The following DUSP8 variants were observed in gnomAD, a reference collection of about 807,000 sequenced individuals.
DUSP8 encodes the protein dual specificity phosphatase 8, also known as dual specificity protein phosphatase 8.
In DUSP8, 15 loss-of-function variants were observed where a neutral mutation model predicts 38.7. The observed-to-expected ratio is 0.39, with a 90% CI of 0.26 to 0.60. The LOEUF (loss-of-function observed/expected upper bound fraction) is 0.60. Ranked by LOEUF, DUSP8 falls within the 20% of genes least tolerant of loss-of-function variation. The pLI, the probability that DUSP8 is intolerant of heterozygous loss-of-function variation, is 0.56. For missense variants in DUSP8, 768 were observed against 915.0 expected (o/e 0.84, Z 2.07); for synonymous variants, 458 against 433.9 (o/e 1.06, Z -0.69).
Position 1,565,899 on chromosome 11 carries a change from C to T in DUSP8, c.-73G>A, listed in dbSNP as rs576712577. On this transcript the variant is annotated 5_prime_UTR_variant, in exon 2 of 7. Coordinates refer to ENST00000397374, the MANE Select transcript of DUSP8 (RefSeq NM_004420.3). ...GCTGCTCCGACGGCCCAGGTGTGGC[C>T]TCGCGCTGGGAGTGACCTAGCACAT... 1.5e-6 allele frequency: 2 copies of T among 1,318,542 alleles called. No individual in the cohort carries two copies. The highest frequency in any genetic ancestry group is 4.7e-5 in the East Asian group (2 of 42,810). 81.7% of individuals were successfully genotyped at this position (1,318,542 alleles called of 1,614,324 possible). A position where few individuals can be genotyped will look rare whatever the true frequency, so the allele number is the denominator to read the frequency against.
rs1049349494 is a variant in DUSP8, at chr11:1,555,379, G to A, written c.*1139C>T. On this transcript the variant is annotated 3_prime_UTR_variant, in exon 7 of 7. Transcript: ENST00000397374. ...GAAGCAGGCCTATCCCAGCAGCACA[G>A]GGGCTTGGCTGGCGCCTGAACTCCC... 1.0e-6 allele frequency: 1 copy of A among 987,298 alleles called. No homozygotes were observed. Among genetic ancestry groups the A allele is most frequent in the African/African-American group, 1.7e-5 (1 of 57,284 alleles). The allele number at this position is 987,298 out of a possible 1,614,324, so 61.2% of individuals were successfully genotyped here.
Position 1,557,291 on chromosome 11 carries a change from C to G in DUSP8, c.1105G>C (p.Ala369Pro), listed in dbSNP as rs779482451. The change falls in exon 7 of 7, where the codon GCA becomes CCA. Residue 369 changes from alanine to proline, a missense_variant. Ala to Pro is a conservative substitution (Grantham distance 27). This residue lies in a region of DUSP8 where 474 missense variants were observed against 430.8 expected (regional missense o/e 1.10). Coordinates refer to ENST00000397374, the MANE Select transcript of DUSP8 (RefSeq NM_004420.3). The surrounding 1 kb of genome is among the most constrained non-coding windows in gnomAD (Gnocchi z 9.9). ...PAPPTPPATS[A>P]LQQGLRGLHL... The stretch of plus-strand genomic sequence containing the variant: ...AGGCCGCGCAGGCCCTGCTGCAGTG[C>G]GCTGGTCGCCGGGGGCGTGGGGGGC... 1.4e-6 allele frequency: 2 copies of G among 1,472,176 alleles called. No individual in the cohort carries two copies. The highest frequency in any genetic ancestry group is 1.5e-5 in the African/African-American group (1 of 67,376). 91.2% of individuals were successfully genotyped at this position (1,472,176 alleles called of 1,614,324 possible).
At position 1,558,003 on chromosome 11, in the gene DUSP8, C is replaced by A; in HGVS notation, c.698-86G>T. ...CAGGTAGGGGACCCCACCCGCCCAA[C>A]TGCCAACAGTTCCGGCTACTTCCTG... On this transcript the variant is annotated intron_variant, in intron 5 of 6. Coordinates refer to ENST00000397374, the MANE Select transcript of DUSP8 (RefSeq NM_004420.3). The surrounding 1 kb of genome is among the most constrained non-coding windows in gnomAD (Gnocchi z 6.3). 2 of 1,610,336 alleles carry A rather than the reference C, an allele frequency of 1.2e-6. No individual in the cohort carries two copies. The highest frequency in any genetic ancestry group is 1.7e-6 in the Non-Finnish European group (2 of 1,177,880).
At chr11:1,571,545 C>A (rs1390714949) in intron 1 of DUSP8, 4 of 152,184 alleles carry the variant, frequency 2.6e-5, no homozygotes, top group Non-Finnish European at 5.9e-5. Context: ...TTCGGGACGT[C>A]GGGGGCTCGC....
chr11:1,568,533 A>G (rs1015089427), intron 1 of DUSP8, among the ~76,000 whole-genome samples: 1 of 152,160 alleles, frequency 6.6e-6, no homozygotes, highest in African/African-American at 2.4e-5. Context: ...CACCATGGCA[A>G]CAGCAGAGGT....
At position 1,557,313 on chromosome 11, in the gene DUSP8, G is replaced by A; in HGVS notation, c.1083C>T (p.Pro361=). 1 of 1,481,172 alleles carries A rather than the reference G, an allele frequency of 6.8e-7. No homozygotes were observed. Among genetic ancestry groups the A allele is most frequent in the South Asian group, 1.3e-5 (1 of 76,288 alleles). The allele number at this position is 1,481,172 out of a possible 1,614,324, so 91.8% of individuals were successfully genotyped here. A position where few individuals can be genotyped will look rare whatever the true frequency, so the allele number is the denominator to read the frequency against. The change falls in exon 7 of 7, where the codon CCC becomes CCT. Residue 361 remains proline (P), a synonymous_variant. Transcript: ENST00000397374. This position sits in a 1 kb window ranked among gnomAD's most constrained non-coding sequence, Gnocchi z 9.9. ...GLSAGGEPPA[P]PTPPATSALQ... ...GTGCGCTGGTCGCCGGGGGCGTGGG[G>A]GGCGCGGGGGGCTCCCCGCCCGCGC...
chr11:1,559,033 G>A lies in DUSP8; in HGVS notation c.393C>T (p.Ser131=), dbSNP rs781763135. The A allele has an allele frequency of 1.6e-5, 25 of 1,610,632 alleles. No individual in the cohort carries two copies. In the South Asian group the frequency reaches 2.7e-4, roughly 18 times the overall value. Reference sequence around the variant, plus strand: ...TGCCCTCGCAGAGGCCGGGGAAGCAGGAGGAGAAGGTGGCGAAGCCCCCTG... The same window carrying A: ...TGCCCTCGCAGAGGCCGGGGAAGCAAGAGGAGAAGGTGGCGAAGCCCCCTG... The part of the protein sequence containing the change: ...ILTGGFATFS[S]CFPGLCEGKP... Residue 131 remains serine (S), a synonymous_variant, in exon 4 of 7, where the codon TCC becomes TCT. Coordinates refer to ENST00000397374, the MANE Select transcript of DUSP8 (RefSeq NM_004420.3).
At chr11:1,572,557 C>T (rs1326580927), upstream of DUSP8, among the ~76,000 whole-genome samples, 1 of 151,840 alleles carries the variant, frequency 6.6e-6, no homozygotes, top group Non-Finnish European at 1.5e-5. This position sits in a 1 kb window ranked among gnomAD's most constrained non-coding sequence, Gnocchi z 4.7. Flanking sequence ...CCTCCCGGCC[C>T]CGGGCCCCGC....
chr11:1,568,120 G>A (rs986556998), intron 1 of DUSP8, among the ~76,000 whole-genome samples: 21 of 152,128 alleles, frequency 1.4e-4, no homozygotes, highest in Admixed American at 3.9e-4. Context: ...GAGCTGCCCC[G>A]GCCTCAATGT....
chr11:1,561,923 C>G (rs1405363834), intron 3 of DUSP8, among the ~76,000 whole-genome samples: 2 of 152,244 alleles, frequency 1.3e-5, no homozygotes. Context: ...AGCCCGTGGG[C>G]CTGCCTGGGT....
Position 1,556,958 on chromosome 11 carries a change from C to A in DUSP8, c.1438G>T (p.Ala480Ser). The A allele has an allele frequency of 9.4e-7, 1 of 1,065,052 alleles. No individual in the cohort carries two copies. The highest frequency in any genetic ancestry group is 1.1e-6 in the Non-Finnish European group (1 of 882,874). The allele number at this position is 1,065,052 out of a possible 1,614,324, so 66.0% of individuals were successfully genotyped here. A position where few individuals can be genotyped will look rare whatever the true frequency, so the allele number is the denominator to read the frequency against. The change falls in exon 7 of 7, where the codon GCC (alanine) becomes TCC (serine). Residue 480 changes from alanine to serine, a missense_variant. By Grantham distance (99) the Ala-to-Ser change is moderately conservative. Around this residue, in one of 3 missense-constraint regions of DUSP8, gnomAD observed 474 missense variants for 430.8 expected, o/e 1.10. Transcript: ENST00000397374. The surrounding 1 kb of genome is among the most constrained non-coding windows in gnomAD (Gnocchi z 5.2). ...HSLGLNFGDAARQTPRHGLSA... is the reference protein window; with the variant it reads ...HSLGLNFGDASRQTPRHGLSA... Reference sequence around the variant, plus strand: ...AGGCCGTGCCGCGGAGTCTGCCGGGCCGCATCGCCGAAGTTCAGGCCGAGG... The same window carrying A: ...AGGCCGTGCCGCGGAGTCTGCCGGGACGCATCGCCGAAGTTCAGGCCGAGG...
chr11:1,559,080 G>C, intron 3 of DUSP8, 25 bp from the exon 4 acceptor site: 2 of 1,603,472 alleles, frequency 1.2e-6, no homozygotes, highest in African/African-American at 2.7e-5. Context: ...CCGTCAAGTG[G>C]GTTGAGAGAA....
rs1225347161 is a variant in DUSP8, at chr11:1,557,243, G to A, written c.1153C>T (p.Gln385Ter). The A allele has an allele frequency of 1.3e-6, 2 of 1,495,752 alleles. No homozygotes were observed. The highest frequency in any genetic ancestry group is 1.8e-6 in the Non-Finnish European group (2 of 1,125,264). 92.7% of individuals were successfully genotyped at this position (1,495,752 alleles called of 1,614,324 possible). The change falls in exon 7 of 7, where the codon CAG becomes TAG. Residue 385 changes from glutamine to a stop codon, truncating the protein, a stop_gained. Transcript: ENST00000397374. LOFTEE classifies it high-confidence loss of function. The surrounding 1 kb of genome is among the most constrained non-coding windows in gnomAD (Gnocchi z 9.9). Reference sequence around the variant, plus strand: ...GAGCGCTTGAGGCGGTTAGTGTCCTGCAGGCGGTCCGAGGAGAGGTGCAGG... The same window carrying A: ...GAGCGCTTGAGGCGGTTAGTGTCCTACAGGCGGTCCGAGGAGAGGTGCAGG... ...RGLHLSSDRL[Q>*]DTNRLKRSFS...
chr11:1,557,175 C>T lies in DUSP8; in HGVS notation c.1221G>A (p.Arg407=), dbSNP rs1303902657. ...GGTCGGGGGGCCCGGGGCCGTCGGGCCGCCTGCTAGGGGCGTAGGCAGACT... is the reference window on the plus strand; with the variant it reads ...GGTCGGGGGGCCCGGGGCCGTCGGGTCGCCTGCTAGGGGCGTAGGCAGACT... ...DIKSAYAPSR[R]PDGPGPPDPG... is the part of the protein sequence containing the mutation. The change falls in exon 7 of 7, where the codon CGG becomes CGA. Residue 407 remains arginine, a synonymous_variant. Transcript: ENST00000397374. The surrounding 1 kb of genome is among the most constrained non-coding windows in gnomAD (Gnocchi z 9.9). 54 of 1,455,322 alleles carry T rather than the reference C, an allele frequency of 3.7e-5. No individual in the cohort carries two copies. Among genetic ancestry groups the T allele is most frequent in the Non-Finnish European group, 4.4e-5 (49 of 1,110,898 alleles). The allele number at this position is 1,455,322 out of a possible 1,614,324, so 90.2% of individuals were successfully genotyped here.
In DUSP8 at chr11:1,554,973, A is replaced by C. The variant is rs1055245149; in HGVS notation, c.*1545T>G. On this transcript the variant is annotated 3_prime_UTR_variant, in exon 7 of 7. Transcript: ENST00000397374. ...CAGAGCTGTGGGTGAAAAGAAGAAC[A>C]AATAGAAGAAACAGCAGAGAGGGCG... The C allele has an allele frequency of 1.0e-6, 1 of 986,174 alleles. No individual in the cohort carries two copies. Among genetic ancestry groups the C allele is most frequent in the African/African-American group, 1.7e-5 (1 of 57,252 alleles). The allele number at this position is 986,174 out of a possible 1,614,324, so 61.1% of individuals were successfully genotyped here.
intron 1 of DUSP8, 47 bp downstream of exon 1, chr11:1,571,854 A>AC (rs2133455210): frequency 6.9e-6 from 1 of 145,704 alleles, no homozygotes; most frequent in African/African-American, 2.5e-5. Context: ...GGGCCGGTGA[A>AC]CCCCATCCCC....
chr11:1,562,947 G>A (rs767600137), intron 3 of DUSP8, among the ~76,000 whole-genome samples: 5 of 152,142 alleles, frequency 3.3e-5, no homozygotes, highest in Non-Finnish European at 5.9e-5. Context: ...TCGGGAGGTC[G>A]GCCTGGCCAA....
At chr11:1,564,679 C>T (rs965412170) in intron 2 of DUSP8, among the ~76,000 whole-genome samples, 2 of 152,238 alleles carry the variant, frequency 1.3e-5, no homozygotes, top group African/African-American at 4.8e-5. Flanking sequence ...GCCGCCAACC[C>T]TGGGCTGGGT....
At chr11:1,559,762 G>A (rs1230757104) in intron 3 of DUSP8, among the ~76,000 whole-genome samples, 2 of 152,178 alleles carry the variant, frequency 1.3e-5, no homozygotes, top group African/African-American at 4.8e-5. Context: ...GTGGGCACCC[G>A]CTGCACACGT....
Sources: gnomAD v4.1 joint callset for allele counts (sites outside exome capture counted in the v4.1 genomes callset) on GRCh38, gnomAD v4.1.1 for gene constraint, gnomAD v4.1.1 regional missense constraint, Gnocchi (gnomAD v3.1) non-coding constraint, MANE v1.5 for transcripts, NCBI Gene and HGNC (gene_info 2026-07-23, HGNC 2026-07-21) for gene names.